SCPEP1: variants seen among roughly 807,000 people sequenced by gnomAD.
SCPEP1 encodes serine carboxypeptidase 1, also known as retinoid-inducible serine carboxypeptidase.
Under a neutral mutation model 63.8 loss-of-function variants are expected in SCPEP1, and 51 were observed. The ratio of observed to expected loss-of-function variants is 0.80; its 90% CI spans 0.64 to 1.01. The LOEUF is 1.01. Among genes scored for constraint, SCPEP1 ranks in the 50% least tolerant of loss-of-function variants. SCPEP1 has a pLI of 0.00. For synonymous variants in SCPEP1, 204 were observed against 207.8 expected (o/e 0.98, Z 0.16); for missense variants, 499 against 554.9 (o/e 0.90, Z 1.01).
At chr17:56,985,315 G>A in intron 2 of SCPEP1, 63 bp from the exon 3 acceptor site, 1 of 1,210,842 alleles carries the variant, frequency 8.3e-7, no homozygotes, top group Non-Finnish European at 1.2e-6. Context: ...AGCAAATGTG[G>A]TCATTCATTG....
At chr17:56,995,357 A>G in intron 7 of SCPEP1, 150 bp from the exon 8 acceptor site, 3 of 785,312 alleles carry the variant, frequency 3.8e-6, no homozygotes, top group Non-Finnish European at 6.1e-6. Flanking sequence ...GTTTCATCCA[A>G]TAAACATGTG....
intron 10 of SCPEP1, 136 bp downstream of exon 10, chr17:56,998,634 C>G: frequency 1.5e-6 from 1 of 661,410 alleles, no homozygotes. Context: ...TTACTATCCA[C>G]GTTTTGTAGG....
chr17:56,986,743 C>T, intron 3 of SCPEP1, among the ~76,000 whole-genome samples: 1 of 151,098 alleles, frequency 6.6e-6, no homozygotes, highest in Non-Finnish European at 1.5e-5. Flanking sequence ...GGTGGGATTT[C>T]ACCATGTTAG....
At chr17:57,003,775 G>A (rs974627235) in intron 12 of SCPEP1, among the ~76,000 whole-genome samples, 1 of 152,180 alleles carries the variant, frequency 6.6e-6, no homozygotes, top group Non-Finnish European at 1.5e-5. Context: ...CACCTGCGTT[G>A]GTGAGATATT....
chr17:56,998,505 A>AATTAGGTCATATAAG lies in SCPEP1; in HGVS notation c.994+7_994+8insATTAGGTCATATAAG. On this transcript the variant is annotated splice_region_variant and intron_variant, in intron 10 of 12. Coordinates refer to ENST00000262288, the MANE Select transcript of SCPEP1 (RefSeq NM_021626.3). The stretch of plus-strand genomic sequence containing the variant: ...GAGGATCAATCCTGGGGAGGTACTT[A>AATTAGGTCATATAAG]TATGACCTAATTAAGTGCCGTTTGT... 1 of 1,594,716 alleles carries AATTAGGTCATATAAG rather than the reference A, an allele frequency of 6.3e-7. No individual in the cohort carries two copies. Among genetic ancestry groups the AATTAGGTCATATAAG allele is most frequent in the Non-Finnish European group, 8.6e-7 (1 of 1,162,482 alleles).
At position 57,001,008 on chromosome 17, in the gene SCPEP1, G is replaced by T. The variant is rs1911725903; in HGVS notation, c.1132+16G>T. The stretch of plus-strand genomic sequence containing the variant: ...GATACCATGGGTAGGAATTGACTCT[G>T]AGAGGCACCTAGAGGCAGTTTTATG... On this transcript the variant is annotated intron_variant, in intron 11 of 12. Transcript: ENST00000262288. 1 of 1,613,990 alleles carries T rather than the reference G, an allele frequency of 6.2e-7. No individual in the cohort carries two copies. Among genetic ancestry groups the T allele is most frequent in the African/African-American group, 1.3e-5 (1 of 74,926 alleles).
rs1422791165 is a variant in SCPEP1, at chr17:56,978,233, C to T, written c.74C>T (p.Ala25Val). The T allele has an allele frequency of 3.9e-6, 6 of 1,544,428 alleles. No individual in the cohort carries two copies. The South Asian group carries it at 7.1e-5, about 18-fold the overall frequency. ...LLLPLLLGLN[A>V]GAVIDWPTEE... ...CTGCCGCTGCTGCTGGGCCTGAACG[C>T]AGGTAGGTTCAAGCAAGAGGCGCAC... The change falls in exon 1 of 13, where the codon GCA becomes GTA. Residue 25 changes from alanine to valine, a missense_variant and splice_region_variant. Transcript: ENST00000262288.
rs116631490 is a variant in SCPEP1 at position 56,998,580 on chromosome 17, G to A, written c.994+82G>A. ...CAAATTCAGAGACCTGAATTTGTAGGGTGGGTTTTGTTGTTGGTGATGATA... is the reference window on the plus strand; with the variant it reads ...CAAATTCAGAGACCTGAATTTGTAGAGTGGGTTTTGTTGTTGGTGATGATA... On this transcript the variant is annotated intron_variant, in intron 10 of 12. Coordinates refer to ENST00000262288, the MANE Select transcript of SCPEP1 (RefSeq NM_021626.3). 8.6e-3 allele frequency: 9,142 copies of A among 1,067,452 alleles called. 482 individuals carry two copies. In the African/African-American group the frequency reaches 0.12, roughly 14 times the overall value. 66.1% of individuals were successfully genotyped at this position (1,067,452 alleles called of 1,614,324 possible).
At chr17:57,003,359 A>G (rs1447617503) in intron 12 of SCPEP1, among the ~76,000 whole-genome samples, 2 of 152,176 alleles carry the variant, frequency 1.3e-5, no homozygotes, top group African/African-American at 4.8e-5. Context: ...CTAGCAGTAG[A>G]GGGCATGGGG....
chr17:56,978,380 CTTT>C (rs71139945), intron 1 of SCPEP1, 145 bp downstream of exon 1: 1,304 of 770,652 alleles, frequency 1.7e-3, no homozygotes, highest in South Asian at 3.3e-3. Flanking sequence ...GAATCTCACT[CTTT>C]TTTTTTTTTT....
intron 11 of SCPEP1, 62 bp from the exon 12 acceptor site, chr17:57,001,956 G>C (rs1911750153): frequency 6.5e-7 from 1 of 1,545,760 alleles, no homozygotes; most frequent in Non-Finnish European, 8.7e-7. Context: ...TTAGGACCTA[G>C]ACTTTTTTCC....
chr17:56,981,036 T>C, intron 1 of SCPEP1, 46 bp from the exon 2 acceptor site: 1 of 1,609,520 alleles, frequency 6.2e-7, no homozygotes, highest in Non-Finnish European at 8.5e-7. Context: ...AATTTACCTG[T>C]ACATTAGGCA....
intron 6 of SCPEP1, among the ~76,000 whole-genome samples, chr17:56,992,371 T>A (rs1215469429): frequency 2.0e-5 from 3 of 152,120 alleles, no homozygotes; most frequent in Non-Finnish European, 4.4e-5. Flanking sequence ...CTTTCCTTCC[T>A]GGATGGATCT....
In SCPEP1 at chr17:56,980,857, G is replaced by A. The variant is rs188313066; in HGVS notation, c.77-225G>A. Among the ~76,000 whole-genome samples the A allele has an allele frequency of 4.6e-5, 7 of 151,168 alleles. No individual in the cohort carries two copies. The South Asian group carries it at 8.4e-4, about 18-fold the overall frequency. ...AAAAATCCAAACATTACAGAAAAGTGTAGAGGAAAAAGTGAAAGCCCCTGG... is the reference window on the plus strand; with the variant it reads ...AAAAATCCAAACATTACAGAAAAGTATAGAGGAAAAAGTGAAAGCCCCTGG... On this transcript the variant is annotated intron_variant, in intron 1 of 12. Transcript: ENST00000262288.
At chr17:56,985,948 C>T (rs888010133) in intron 3 of SCPEP1, among the ~76,000 whole-genome samples, 3 of 152,050 alleles carry the variant, frequency 2.0e-5, no homozygotes, top group African/African-American at 7.2e-5. Flanking sequence ...GTGGTCAACT[C>T]CCATATCCTT....
Position 56,997,022 on chromosome 17 carries a change from G to C in SCPEP1, c.847G>C (p.Glu283Gln), listed in dbSNP as rs780294763. The C allele has an allele frequency of 3.7e-6, 6 of 1,608,770 alleles. No individual in the cohort carries two copies. In the Admixed American group the frequency reaches 1.0e-4, roughly 27 times the overall value. Residue 283 changes from glutamate to glutamine, a missense_variant, in exon 9 of 13, where the codon GAG becomes CAG. By Grantham distance (29) the Glu-to-Gln change is conservative (BLOSUM62 2). Coordinates refer to ENST00000262288, the MANE Select transcript of SCPEP1 (RefSeq NM_021626.3). ...TAAAAGCACTCCCACGTCTACAATGGAGTCGAGTCTAGAATTCACACAGAG... is the reference window on the plus strand; with the variant it reads ...TAAAAGCACTCCCACGTCTACAATGCAGTCGAGTCTAGAATTCACACAGAG... ...LTKSTPTSTM[E>Q]SSLEFTQSHL...
intron 3 of SCPEP1, among the ~76,000 whole-genome samples, chr17:56,986,105 G>A (rs1359550253): frequency 9.9e-5 from 15 of 151,994 alleles, no homozygotes; most frequent in Admixed American, 9.2e-4. Flanking sequence ...GCTTGTGGCT[G>A]TTCCTCTCTC....
At chr17:56,995,155 G>A (rs1292406551) in intron 7 of SCPEP1, 137 bp downstream of exon 7, 2 of 707,812 alleles carry the variant, frequency 2.8e-6, no homozygotes, top group African/African-American at 3.6e-5. Flanking sequence ...CATCCACATA[G>A]AGTTGGAGAC....
chr17:56,980,160 G>A (rs1178380722), intron 1 of SCPEP1, among the ~76,000 whole-genome samples: 1 of 152,074 alleles, frequency 6.6e-6, no homozygotes, highest in Non-Finnish European at 1.5e-5. Flanking sequence ...TGTCACCTAG[G>A]CTGGAGTGCA....
Sources: allele counts gnomAD v4.1 joint callset (sites outside exome capture counted in the v4.1 genomes callset), GRCh38; gene constraint gnomAD v4.1.1; transcripts MANE v1.5; gene names NCBI Gene and HGNC (gene_info 2026-07-23, HGNC 2026-07-21).